The following GABRB3 variants were observed in gnomAD, a reference collection of about 807,000 sequenced individuals.
GABRB3 encodes gamma-aminobutyric acid receptor subunit beta-3.
A neutral mutation model predicts 52.1 loss-of-function variants in GABRB3; 14 were observed. The ratio of observed to expected loss-of-function variants is 0.27; its 90% CI spans 0.18 to 0.42. The LOEUF (loss-of-function observed/expected upper bound fraction) is 0.42. Ranked by LOEUF, GABRB3 falls within the 10% of genes least tolerant of loss-of-function variation. The pLI is 1.00. For missense variants in GABRB3, 307 were observed against 609.1 expected (o/e 0.50, Z 5.22); for synonymous variants, 260 against 232.3 (o/e 1.12, Z -1.08).
At chr15:26,676,180 C>G (rs1256242050) in intron 3 of GABRB3, among the ~76,000 whole-genome samples, 2 of 152,206 alleles carry the variant, frequency 1.3e-5, no homozygotes, top group Non-Finnish European at 2.9e-5. Context: ...GCAATGAATT[C>G]TTCAGCACCT....
rs74591460 is a variant in GABRB3 at position 26,649,631 on chromosome 15, A to C, written c.241-28097T>G. Among the ~76,000 whole-genome samples the C allele has an allele frequency of 4.6e-3, 673 of 147,458 alleles. 25 individuals are homozygous for C. In the East Asian group the frequency reaches 0.099, roughly 22 times the overall value. On this transcript the variant is annotated intron_variant, in intron 3 of 8. Transcript: ENST00000311550. Reference sequence around the variant, plus strand: ...GGAGAAAGGAAAATGTGCTGAGCCCATAGAAGAAAGCAGGACAGAGCCAAG... The same window carrying C: ...GGAGAAAGGAAAATGTGCTGAGCCCCTAGAAGAAAGCAGGACAGAGCCAAG...
At chr15:26,563,713 G>A (rs1045319113) in intron 7 of GABRB3, among the ~76,000 whole-genome samples, 11 of 152,150 alleles carry the variant, frequency 7.2e-5, no homozygotes, top group Admixed American at 6.5e-4. Context: ...TAGGCTTCCT[G>A]GCCTTGCCTT....
At chr15:26,699,832 TGG>T (rs996842242) in intron 3 of GABRB3, among the ~76,000 whole-genome samples, 1 of 151,964 alleles carries the variant, frequency 6.6e-6, no homozygotes, top group Non-Finnish European at 1.5e-5. Flanking sequence ...CATAATATTG[TGG>T]GCTGCTTAAA....
At chr15:26,575,577 T>C (rs1046641255) in intron 6 of GABRB3, among the ~76,000 whole-genome samples, 2 of 152,166 alleles carry the variant, frequency 1.3e-5, no homozygotes, top group Non-Finnish European at 2.9e-5. Context: ...AGGCTTTAGT[T>C]AAGCAGACTA....
chr15:26,664,469 C>T lies in GABRB3; in HGVS notation c.241-42935G>A, dbSNP rs1055152910. 7.9e-5 allele frequency among the ~76,000 whole-genome samples: 12 copies of T among 152,186 alleles called. No individual in the cohort carries two copies. The South Asian group carries it at 2.3e-3, about 29-fold the overall frequency. On this transcript the variant is annotated intron_variant, in intron 3 of 8. Coordinates refer to ENST00000311550, the MANE Select transcript of GABRB3 (RefSeq NM_000814.6). ...TGGCCAGAATTACAAGCCTCATCTT[C>T]ACTTATAACTTCATTCAGTCTTGAC...
chr15:26,725,615 G>C (rs1290385036), intron 3 of GABRB3, among the ~76,000 whole-genome samples: 1 of 152,140 alleles, frequency 6.6e-6, no homozygotes. Context: ...TGCAAATCTA[G>C]AACAAGTTGA....
chr15:26,576,922 T>C (rs907721856), intron 6 of GABRB3, among the ~76,000 whole-genome samples: 11 of 152,178 alleles, frequency 7.2e-5, no homozygotes, highest in African/African-American at 2.7e-4. Context: ...AGAAAGTAGA[T>C]GAAGCTTATC....
chr15:26,544,096 C>A lies in GABRB3; in HGVS notation c.*3697G>T, dbSNP rs1465964468. Reference sequence around the variant, plus strand: ...ATTCCAAGAGTAACAAAATGTTTCACCAATTGTTCAGTTTTGCTTACATAA... The same window carrying A: ...ATTCCAAGAGTAACAAAATGTTTCAACAATTGTTCAGTTTTGCTTACATAA... On this transcript the variant is annotated 3_prime_UTR_variant, in exon 9 of 9. Transcript: ENST00000311550. 6.6e-6 allele frequency: 1 copy of A among 152,394 alleles called. No homozygotes were observed. The highest frequency in any genetic ancestry group is 1.5e-5 in the Non-Finnish European group (1 of 68,024). 9.4% of individuals were successfully genotyped at this position (152,394 alleles called of 1,614,324 possible). A position where few individuals can be genotyped will look rare whatever the true frequency, so the allele number is the denominator to read the frequency against.
chr15:26,632,308 G>A (rs553796709), intron 3 of GABRB3, among the ~76,000 whole-genome samples: 7 of 152,376 alleles, frequency 4.6e-5, no homozygotes, highest in Admixed American at 1.3e-4. Flanking sequence ...GAAAGGCAGA[G>A]TGTGCATTTA....
At chr15:26,597,152 C>A (rs779597866) in intron 4 of GABRB3, among the ~76,000 whole-genome samples, 30 of 152,186 alleles carry the variant, frequency 2.0e-4, no homozygotes, top group Non-Finnish European at 4.0e-4. Context: ...CCTCTCCATG[C>A]TGCCACACTG....
chr15:26,711,889 C>A (rs1303541317), intron 3 of GABRB3, among the ~76,000 whole-genome samples: 1 of 152,172 alleles, frequency 6.6e-6, no homozygotes, highest in Non-Finnish European at 1.5e-5. Flanking sequence ...AGAGGGACTG[C>A]ATGGAGAGGA....
At chr15:26,664,704 G>GT (rs1162139952) in intron 3 of GABRB3, among the ~76,000 whole-genome samples, 29,501 of 95,240 alleles carry the variant, frequency 0.31, 5,647 homozygotes, top group Non-Finnish European at 0.39. Context: ...TCTTTTCTTT[G>GT]TTTTTTTTTT....
At chr15:26,575,554 A>G (rs1047251437) in intron 6 of GABRB3, among the ~76,000 whole-genome samples, 2 of 152,200 alleles carry the variant, frequency 1.3e-5, no homozygotes, top group Admixed American at 1.3e-4. Context: ...TGAATGGGCA[A>G]TAATTGGATC....
At chr15:26,592,628 C>A (rs1251369804) in intron 4 of GABRB3, among the ~76,000 whole-genome samples, 1 of 152,098 alleles carries the variant, frequency 6.6e-6, no homozygotes, top group African/African-American at 2.4e-5. Flanking sequence ...GCCACAAATG[C>A]CAAATTGAAA....
At chr15:26,605,908 T>C (rs756438861) in intron 4 of GABRB3, among the ~76,000 whole-genome samples, 3 of 152,194 alleles carry the variant, frequency 2.0e-5, no homozygotes, top group South Asian at 4.1e-4. Context: ...ACAGGAAATA[T>C]TGCTAGGGAG....
intron 5 of GABRB3, among the ~76,000 whole-genome samples, chr15:26,583,121 T>C (rs951931272): frequency 6.6e-6 from 1 of 152,164 alleles, no homozygotes; most frequent in East Asian, 1.9e-4. Context: ...TTTTCTTCTA[T>C]TTCAGCGCAG....
chr15:26,697,677 C>T (rs73370156), intron 3 of GABRB3, among the ~76,000 whole-genome samples: 9,278 of 152,234 alleles, frequency 0.061, 320 homozygotes, highest in Non-Finnish European at 0.085. Flanking sequence ...CAATGTGTCC[C>T]CTGTCCCCTG....
intron 3 of GABRB3, among the ~76,000 whole-genome samples, chr15:26,626,936 G>C (rs926476004): frequency 6.6e-6 from 1 of 152,220 alleles, no homozygotes; most frequent in Non-Finnish European, 1.5e-5. Flanking sequence ...TCTAATGGAA[G>C]AAGAGGCCAT....
chr15:26,652,415 C>A (rs1189856074), intron 3 of GABRB3, among the ~76,000 whole-genome samples: 1 of 152,104 alleles, frequency 6.6e-6, no homozygotes, highest in East Asian at 1.9e-4. Flanking sequence ...TGTATTTTGG[C>A]AGAATTTGGT....
Sources: gnomAD v4.1 joint callset for allele counts (sites outside exome capture counted in the v4.1 genomes callset) on GRCh38, gnomAD v4.1.1 for gene constraint, MANE v1.5 for transcripts, NCBI Gene and HGNC (gene_info 2026-07-23, HGNC 2026-07-21) for gene names.